Variants in DYNLT5 observed in about 807,000 individuals in gnomAD.
DYNLT5 encodes the protein dynein light chain Tctex-type family member 5.
In DYNLT5, 25 loss-of-function variants were observed where a neutral mutation model predicts 19.3. That is an observed-to-expected ratio of 1.30 (90% confidence interval 0.95 to 1.81). DYNLT5 has a LOEUF of 1.81. DYNLT5 is among the 40% of genes most tolerant of loss of function. DYNLT5 has a pLI of 0.00. For synonymous variants in DYNLT5, 82 were observed against 68.9 expected, an observed-to-expected ratio of 1.19 and a Z score of -0.94; for missense variants, 232 against 217.9, an observed-to-expected ratio of 1.06 and a Z score of -0.41.
intron 2 of DYNLT5, among the ~76,000 whole-genome samples, chr1:66,763,263 C>T (rs915505494): frequency 6.6e-6 from 1 of 152,152 alleles, no homozygotes; most frequent in Non-Finnish European, 1.5e-5. Context: ...AACAGATGTG[C>T]TGTCATCTAG....
intron 2 of DYNLT5, among the ~76,000 whole-genome samples, chr1:66,755,125 A>T (rs1469772065): frequency 6.6e-6 from 1 of 152,216 alleles, no homozygotes; most frequent in Non-Finnish European, 1.5e-5. Flanking sequence ...CAATACATAC[A>T]TATACAATGT....
At chr1:66,761,275 G>A (rs1289603590) in intron 2 of DYNLT5, among the ~76,000 whole-genome samples, 1 of 152,164 alleles carries the variant, frequency 6.6e-6, no homozygotes, top group Non-Finnish European at 1.5e-5. Context: ...TGTTCTGTAT[G>A]TAGTCTATTA....
At position 66,777,409 on chromosome 1, in the gene DYNLT5, T is replaced by C; in HGVS notation, c.495T>C (p.Ser165=). Residue 165 remains serine, a synonymous_variant, in exon 5 of 5, where the codon TCT becomes TCC. Coordinates refer to ENST00000282670, the MANE Select transcript of DYNLT5 (RefSeq NM_152665.3). The stretch of plus-strand genomic sequence containing the variant: ...TTTCATCTTATGTTTTCAGAAATTC[T>C]TCTCTCTTCGCTCTTGCAAATGTCT... ...DTFSSYVFRN[S]SLFALANVYA... 1 of 1,613,898 alleles carries C rather than the reference T, an allele frequency of 6.2e-7. No homozygotes were observed. Among genetic ancestry groups the C allele is most frequent in the Non-Finnish European group, 8.5e-7 (1 of 1,179,874 alleles).
At position 66,778,863 on chromosome 1, in the gene DYNLT5, C is replaced by A. The variant is rs1489851125; in HGVS notation, c.*1409C>A. The A allele has an allele frequency of 1.3e-5, 2 of 151,896 alleles. No individual in the cohort carries two copies. Among genetic ancestry groups the A allele is most frequent in the Admixed American group, 6.6e-5 (1 of 15,248 alleles). 9.4% of individuals were successfully genotyped at this position (151,896 alleles called of 1,614,324 possible). ...TGTCTATGTAATAATTTATCACAAC[C>A]AATATTTGTCAATCTCCATAGAACA... On this transcript the variant is annotated 3_prime_UTR_variant, in exon 5 of 5. Coordinates refer to ENST00000282670, the MANE Select transcript of DYNLT5 (RefSeq NM_152665.3).
intron 2 of DYNLT5, among the ~76,000 whole-genome samples, chr1:66,757,327 C>T (rs1049273175): frequency 6.6e-6 from 1 of 152,082 alleles, no homozygotes; most frequent in African/African-American, 2.4e-5. Flanking sequence ...TCTGAAATGC[C>T]TTCTGAATTA....
intron 2 of DYNLT5, among the ~76,000 whole-genome samples, chr1:66,761,294 A>G (rs1414952108): frequency 6.6e-6 from 1 of 152,252 alleles, no homozygotes. Context: ...TAAGTATTCA[A>G]TAGCATTTTA....
chr1:66,763,533 A>G (rs2094649460), intron 2 of DYNLT5, among the ~76,000 whole-genome samples: 2 of 152,240 alleles, frequency 1.3e-5, no homozygotes, highest in Admixed American at 1.3e-4. Flanking sequence ...TAGCCCCTTC[A>G]TCAATGATCT....
intron 4 of DYNLT5, 33 bp from the exon 5 acceptor site, chr1:66,777,218 G>C: frequency 6.3e-7 from 1 of 1,575,060 alleles, no homozygotes; most frequent in Non-Finnish European, 8.7e-7. Context: ...CAATGTAGCT[G>C]AATGAAGACC....
intron 3 of DYNLT5, among the ~76,000 whole-genome samples, chr1:66,772,055 T>C (rs1173807595): frequency 6.6e-6 from 1 of 152,236 alleles, no homozygotes; most frequent in African/African-American, 2.4e-5. Context: ...ATTTTATTAA[T>C]ACTTAATCAA....
At chr1:66,776,685 C>G (rs1474775981) in intron 4 of DYNLT5, among the ~76,000 whole-genome samples, 2 of 147,850 alleles carry the variant, frequency 1.4e-5, no homozygotes, top group Non-Finnish European at 2.9e-5. Context: ...GTAAAAGATA[C>G]AACATTTTAA....
chr1:66,777,584 T>C lies in DYNLT5; in HGVS notation c.*130T>C. On this transcript the variant is annotated 3_prime_UTR_variant, in exon 5 of 5. Coordinates refer to ENST00000282670, the MANE Select transcript of DYNLT5 (RefSeq NM_152665.3). ...GATATTTCAAGCAACTGGAAGCTTT[T>C]GAATTTTTTCATATTCTAGTAAAGA... 10 of 749,736 alleles carry C rather than the reference T, an allele frequency of 1.3e-5. No homozygotes were observed. Among genetic ancestry groups the C allele is most frequent in the Admixed American group, 3.1e-5 (1 of 32,130 alleles). The allele number at this position is 749,736 out of a possible 1,614,324, so 46.4% of individuals were successfully genotyped here. A position where few individuals can be genotyped will look rare whatever the true frequency, so the allele number is the denominator to read the frequency against.
chr1:66,776,461 A>G (rs917060559), intron 4 of DYNLT5, 58 bp downstream of exon 4: 13 of 1,534,076 alleles, frequency 8.5e-6, no homozygotes, highest in African/African-American at 1.4e-5. Context: ...CTAAAGTACA[A>G]CGGACCCTCT....
intron 1 of DYNLT5, among the ~76,000 whole-genome samples, chr1:66,753,995 C>G (rs1347186565): frequency 1.4e-5 from 2 of 148,144 alleles, no homozygotes; most frequent in African/African-American, 5.0e-5. Flanking sequence ...TGCCTGTAAT[C>G]CCAGCACTTT....
chr1:66,764,436 T>G (rs1435426431), intron 2 of DYNLT5, among the ~76,000 whole-genome samples: 1 of 152,088 alleles, frequency 6.6e-6, no homozygotes, highest in Non-Finnish European at 1.5e-5. Context: ...TCACAGGAAA[T>G]AGGAAGACCC....
Position 66,754,791 on chromosome 1 carries a change from T to C in DYNLT5, c.119+14T>C, listed in dbSNP as rs1436201406. 6.2e-7 allele frequency: 1 copy of C among 1,601,508 alleles called. No homozygotes were observed. Among genetic ancestry groups the C allele is most frequent in the Non-Finnish European group, 8.5e-7 (1 of 1,175,868 alleles). Reference sequence around the variant, plus strand: ...GCGCATCAAAGAGTGAGTAACTGTCTAAAATTGTAAATTCATTTATTGAAT... The same window carrying C: ...GCGCATCAAAGAGTGAGTAACTGTCCAAAATTGTAAATTCATTTATTGAAT... On this transcript the variant is annotated intron_variant, in intron 2 of 4. Coordinates refer to ENST00000282670, the MANE Select transcript of DYNLT5 (RefSeq NM_152665.3).
intron 2 of DYNLT5, among the ~76,000 whole-genome samples, chr1:66,758,453 G>T (rs189602833): frequency 5.3e-5 from 8 of 152,262 alleles, no homozygotes; most frequent in Admixed American, 5.2e-4. Flanking sequence ...GACAAGGTTG[G>T]GGGCTGAACA....
chr1:66,772,965 G>T (rs78459388), intron 3 of DYNLT5, among the ~76,000 whole-genome samples: 1 of 152,194 alleles, frequency 6.6e-6, no homozygotes, highest in East Asian at 1.9e-4. Context: ...CTTGTAAATA[G>T]GGATAATAGT....
chr1:66,774,946 T>G (rs1327428509), intron 3 of DYNLT5: 3 of 152,210 alleles, frequency 2.0e-5, no homozygotes, highest in African/African-American at 7.2e-5. Context: ...TACTAGATAT[T>G]GACATATATT....
In DYNLT5 at chr1:66,776,305, A is replaced by C. The variant is rs763306328; in HGVS notation, c.238A>C (p.Thr80Pro). 27 of 1,613,220 alleles carry C rather than the reference A, an allele frequency of 1.7e-5. No homozygotes were observed. In the East Asian group the frequency reaches 5.8e-4, roughly 35 times the overall value. The stretch of plus-strand genomic sequence containing the variant: ...TCCTCCCAAACATTTTCCTGTGGTC[A>C]CCGTCAATCATATTTTGAAAGATGT... ...LGPPKHFPVVTVNHILKDVVT... is the reference protein window; with the variant it reads ...LGPPKHFPVVPVNHILKDVVT... The change falls in exon 4 of 5, where the codon ACC becomes CCC. Residue 80 changes from threonine to proline, a missense_variant. Thr to Pro is a conservative substitution (Grantham distance 38). Coordinates refer to ENST00000282670, the MANE Select transcript of DYNLT5 (RefSeq NM_152665.3).
Sources: gnomAD v4.1 joint callset for allele counts (sites outside exome capture counted in the v4.1 genomes callset) on GRCh38, gnomAD v4.1.1 for gene constraint, MANE v1.5 for transcripts, NCBI Gene and HGNC (gene_info 2026-07-23, HGNC 2026-07-21) for gene names.